The following DYNC1I2 variants were observed in gnomAD, a reference collection of about 807,000 sequenced individuals.
DYNC1I2 encodes the protein cytoplasmic dynein 1 intermediate chain 2.
A neutral mutation model predicts 88.6 loss-of-function variants in DYNC1I2; 53 were observed. The observed-to-expected ratio is 0.60, with a 90% CI of 0.48 to 0.75. The LOEUF is 0.75. DYNC1I2 is among the 30% of genes least tolerant of loss of function. DYNC1I2 has a pLI of 0.00. For missense variants in DYNC1I2, 458 were observed against 766.6 expected (o/e 0.60, Z 4.75); for synonymous variants, 198 against 254.6 (o/e 0.78, Z 2.12).
At chr2:171,736,826 A>G (rs983124716) in intron 15 of DYNC1I2, among the ~76,000 whole-genome samples, 1 of 152,172 alleles carries the variant, frequency 6.6e-6, no homozygotes, top group Non-Finnish European at 1.5e-5. Context: ...TTCTGATCCA[A>G]ATTGATGACA....
chr2:171,729,628 A>G, intron 14 of DYNC1I2, 81 bp from the exon 15 acceptor site: 1 of 1,469,408 alleles, frequency 6.8e-7, no homozygotes, highest in Non-Finnish European at 9.3e-7. Context: ...AAGGCCTGAT[A>G]TATAAACCTA....
intron 11 of DYNC1I2, among the ~76,000 whole-genome samples, 193 bp from the exon 12 acceptor site, chr2:171,727,628 C>CA (rs1164166692): frequency 6.6e-6 from 1 of 151,922 alleles, no homozygotes; most frequent in Admixed American, 6.6e-5. Flanking sequence ...GACTTTTAAG[C>CA]AAAAAATATC....
At chr2:171,745,721 G>A in intron 16 of DYNC1I2, 81 bp from the exon 17 acceptor site, 2 of 1,416,226 alleles carry the variant, frequency 1.4e-6, no homozygotes, top group Non-Finnish European at 1.9e-6. Context: ...TAGCCAGCTT[G>A]AGAGAAGAAT....
rs544508741 is a variant in DYNC1I2 at position 171,706,031 on chromosome 2, A to G, written c.227-516A>G. On this transcript the variant is annotated intron_variant, in intron 3 of 17. Transcript: ENST00000397119. ...TGTGAGCCATCATAATATATTATAC[A>G]TTTTGATAGATTACCAAGCCCACTG... Among the ~76,000 whole-genome samples, 8 of 152,196 alleles carry G rather than the reference A, an allele frequency of 5.3e-5. No individual in the cohort carries two copies. In the East Asian group the frequency reaches 1.5e-3, roughly 29 times the overall value.
intron 3 of DYNC1I2, among the ~76,000 whole-genome samples, chr2:171,702,762 G>A (rs375673807): frequency 2.7e-5 from 4 of 149,860 alleles, no homozygotes; most frequent in African/African-American, 7.4e-5. Context: ...TCACTCTGTT[G>A]TTCAGGTTGG....
chr2:171,713,973 ATG>A (rs1687308897), intron 6 of DYNC1I2, among the ~76,000 whole-genome samples: 1 of 152,090 alleles, frequency 6.6e-6, no homozygotes, highest in African/African-American at 2.4e-5. Flanking sequence ...GTTTAGTATT[ATG>A]GTTTTTTCTG....
chr2:171,705,768 A>G (rs1686634541), intron 3 of DYNC1I2, among the ~76,000 whole-genome samples: 1 of 152,094 alleles, frequency 6.6e-6, no homozygotes, highest in African/African-American at 2.4e-5. Flanking sequence ...GCACAGTGCC[A>G]CCTACATGTA....
chr2:171,707,251 T>C (rs1559373691), intron 4 of DYNC1I2, 36 bp from the exon 5 acceptor site: 1 of 1,613,734 alleles, frequency 6.2e-7, no homozygotes. Flanking sequence ...CCTCTCCGTG[T>C]AGTAACAGCG....
intron 15 of DYNC1I2, among the ~76,000 whole-genome samples, chr2:171,742,667 C>CT (rs144218097): frequency 0.023 from 3,514 of 152,248 alleles, 60 homozygotes; most frequent in Non-Finnish European, 0.034. Context: ...GCAAGGATAA[C>CT]TTTCCTAGTT....
intron 3 of DYNC1I2, among the ~76,000 whole-genome samples, chr2:171,700,832 C>T (rs1042619120): frequency 2.6e-4 from 39 of 152,146 alleles, no homozygotes; most frequent in African/African-American, 8.7e-4. Context: ...GGGGTTTCAC[C>T]GTGTTAGCCA....
At chr2:171,735,726 G>A (rs1346572968) in intron 15 of DYNC1I2, among the ~76,000 whole-genome samples, 5 of 152,196 alleles carry the variant, frequency 3.3e-5, no homozygotes, top group Non-Finnish European at 7.3e-5. Context: ...GGAGAATAAG[G>A]AGTGAAAGCT....
rs775303781 is a variant in DYNC1I2 at position 171,747,884 on chromosome 2, G to T, written c.1912G>T (p.Ala638Ser). The change falls in exon 18 of 18, where the codon GCT becomes TCT. Residue 638 changes from alanine (A) to serine (S), a missense_variant. Ala to Ser is a moderately conservative substitution (Grantham distance 99, BLOSUM62 1). Around this residue, in one of 5 missense-constraint regions of DYNC1I2, gnomAD observed 188 missense variants for 300.4 expected, o/e 0.63. Coordinates refer to ENST00000397119, the MANE Select transcript of DYNC1I2 (RefSeq NM_001378.3). Reference protein sequence around the residue: ...AEEEAATRIPA With the variant: ...AEEEAATRIPS Reference sequence around the variant, plus strand: ...GGAGGAAGCAGCTACCCGAATACCTGCTTAGTTCCTGAAAAGGGGAGTGTA... The same window carrying T: ...GGAGGAAGCAGCTACCCGAATACCTTCTTAGTTCCTGAAAAGGGGAGTGTA... 6.2e-7 allele frequency: 1 copy of T among 1,605,988 alleles called. No homozygotes were observed. The highest frequency in any genetic ancestry group is 1.7e-5 in the Admixed American group (1 of 59,788).
chr2:171,732,460 TG>T (rs1688686633), intron 15 of DYNC1I2, among the ~76,000 whole-genome samples: 2 of 152,256 alleles, frequency 1.3e-5, no homozygotes, highest in South Asian at 4.1e-4. Context: ...AATTTGATGA[TG>T]TTTTTATCAC....
chr2:171,728,718 A>T lies in DYNC1I2; in HGVS notation c.1259A>T (p.Asp420Val). 1 of 1,585,226 alleles carries T rather than the reference A, an allele frequency of 6.3e-7. No homozygotes were observed. The highest frequency in any genetic ancestry group is 8.6e-7 in the Non-Finnish European group (1 of 1,168,626). Residue 420 changes from aspartate to valine, a missense_variant and splice_region_variant, in exon 14 of 18, where the codon GAT (aspartate) becomes GTT (valine). Asp to Val is a radical substitution (Grantham distance 152). Around this residue, in one of 5 missense-constraint regions of DYNC1I2, gnomAD observed 188 missense variants for 300.4 expected, o/e 0.63. Transcript: ENST00000397119. ...WSLDMLSHPQ[D>V]SMELVHKQSK... Reference sequence around the variant, plus strand: ...ATTTTCTCAGGTTTTTCTATGTAGGATAGCATGGAGTTGGTTCATAAACAG... The same window carrying T: ...ATTTTCTCAGGTTTTTCTATGTAGGTTAGCATGGAGTTGGTTCATAAACAG...
At chr2:171,700,824 G>C (rs1414978706) in intron 3 of DYNC1I2, among the ~76,000 whole-genome samples, 1 of 151,914 alleles carries the variant, frequency 6.6e-6, no homozygotes, top group Non-Finnish European at 1.5e-5. Flanking sequence ...GTGGAGATGG[G>C]GTTTCACCGT....
chr2:171,745,739 T>A, intron 16 of DYNC1I2, 63 bp from the exon 17 acceptor site: 3 of 1,529,074 alleles, frequency 2.0e-6, no homozygotes, highest in Non-Finnish European at 1.8e-6. Flanking sequence ...AATTACTGTT[T>A]TACATGTTTA....
At chr2:171,720,499 G>A (rs1302623024) in intron 7 of DYNC1I2, among the ~76,000 whole-genome samples, 2 of 152,116 alleles carry the variant, frequency 1.3e-5, no homozygotes, top group African/African-American at 2.4e-5. Flanking sequence ...TTGGGAGGCC[G>A]AGGTGGGGCA....
intron 7 of DYNC1I2, 50 bp from the exon 8 acceptor site, chr2:171,725,568 A>G (rs1334762078): frequency 4.3e-6 from 5 of 1,150,422 alleles, no homozygotes; most frequent in Non-Finnish European, 6.0e-6. Flanking sequence ...ATAATTTATT[A>G]TATCATTCTG....
At position 171,707,396 on chromosome 2, in the gene DYNC1I2, T is replaced by C; in HGVS notation, c.335+19T>C. 5 of 1,600,144 alleles carry C rather than the reference T, an allele frequency of 3.1e-6. No individual in the cohort carries two copies. Among genetic ancestry groups the C allele is most frequent in the Non-Finnish European group, 4.3e-6 (5 of 1,174,722 alleles). ...GATCTAGGTACAGTAATTTTCCTTT[T>C]AATGTTTTAATGATAGAATGCATTC... On this transcript the variant is annotated intron_variant, in intron 5 of 17. Transcript: ENST00000397119.
Sources: allele counts gnomAD v4.1 joint callset (sites outside exome capture counted in the v4.1 genomes callset), GRCh38; gene constraint gnomAD v4.1.1; regional missense constraint gnomAD v4.1.1; transcripts MANE v1.5; gene names NCBI Gene and HGNC (gene_info 2026-07-23, HGNC 2026-07-21).